IGSF11: variants seen among roughly 807,000 people sequenced by gnomAD.
IGSF11 encodes the protein immunoglobulin superfamily member 11, also known as CXADR like 1.
IGSF11 carries 22 observed loss-of-function variants against 41.0 expected under a neutral mutation model. That is an observed-to-expected ratio of 0.54 (90% CI 0.38 to 0.77). The LOEUF is 0.77. Among genes scored for constraint, IGSF11 ranks in the 30% least tolerant of loss-of-function variants. IGSF11 has a pLI of 0.00. For synonymous variants in IGSF11, 219 were observed against 201.3 expected, an observed-to-expected ratio of 1.09 and a Z score of -0.74; for missense variants, 444 against 530.8, an observed-to-expected ratio of 0.84 and a Z score of 1.61.
In IGSF11 at chr3:119,119,123, G is replaced by A. The variant is rs143003300; in HGVS notation, c.-13-13918C>T. On this transcript the variant is annotated intron_variant, in intron 1 of 7. Transcript: ENST00000425327. ...CTGCCTGTTACCCAGTTCCAAAGCC[G>A]CTTCCAAATTTTTGGGTATCTTTTC... Among the ~76,000 whole-genome samples, 384 of 152,220 alleles carry A rather than the reference G, an allele frequency of 2.5e-3. 2 individuals are homozygous for A. Among genetic ancestry groups the A allele is most frequent in the African/African-American group, 8.3e-3 (345 of 41,536 alleles).
At position 118,916,108 on chromosome 3, in the gene IGSF11, G is replaced by A. The variant is rs879197044; in HGVS notation, c.580+9993C>T. Among the ~76,000 whole-genome samples, 63 of 149,930 alleles carry A rather than the reference G, an allele frequency of 4.2e-4. 1 individual carries two copies. Among genetic ancestry groups the A allele is most frequent in the Non-Finnish European group, 6.8e-4 (46 of 67,822 alleles). On this transcript the variant is annotated intron_variant, in intron 4 of 6. Transcript: ENST00000393775. ...CCCTAAAAGAGCTCCTGAAGGAAGCGCTAAACATGGAAAGGAACAACCGGT... is the reference window on the plus strand; with the variant it reads ...CCCTAAAAGAGCTCCTGAAGGAAGCACTAAACATGGAAAGGAACAACCGGT...
intron 1 of IGSF11, among the ~76,000 whole-genome samples, chr3:119,015,901 G>A (rs771097186): frequency 6.6e-6 from 1 of 152,108 alleles, no homozygotes; most frequent in Non-Finnish European, 1.5e-5. Context: ...CTTTCCATGA[G>A]AGAAAAACGA....
chr3:119,003,661 T>G (rs1317034667), intron 1 of IGSF11, among the ~76,000 whole-genome samples: 1 of 151,910 alleles, frequency 6.6e-6, no homozygotes, highest in Non-Finnish European at 1.5e-5. Context: ...TATTGAGAGT[T>G]TTTAGCATGA....
intron 1 of IGSF11, among the ~76,000 whole-genome samples, chr3:119,130,130 C>T (rs185719014): frequency 1.3e-5 from 2 of 152,268 alleles, no homozygotes; most frequent in Admixed American, 1.3e-4. Flanking sequence ...CTGCAGCTCC[C>T]AGAATGATTG....
At position 118,902,246 on chromosome 3, in the gene IGSF11, T is replaced by C; in HGVS notation, c.*274A>G. 1 of 389,596 alleles carries C rather than the reference T, an allele frequency of 2.6e-6. No homozygotes were observed. Among genetic ancestry groups the C allele is most frequent in the Non-Finnish European group, 4.6e-6 (1 of 215,072 alleles). The allele number at this position is 389,596 out of a possible 1,614,324, so 24.1% of individuals were successfully genotyped here. On this transcript the variant is annotated 3_prime_UTR_variant, in exon 7 of 7. Coordinates refer to ENST00000393775, the MANE Select transcript of IGSF11 (RefSeq NM_001015887.3). ...GCGGCAGTTTGGATTTTAAGTACTA[T>C]TCTGCTCTTGTATCTTTTTCCTTGG... is the stretch of plus-strand genomic sequence containing the variant.
chr3:119,007,455 G>A (rs2107686531), intron 1 of IGSF11, among the ~76,000 whole-genome samples: 1 of 151,994 alleles, frequency 6.6e-6, no homozygotes, highest in Middle Eastern at 3.4e-3. Context: ...CTGTAGACCG[G>A]AGCTGTTCCT....
At chr3:119,142,755 A>G (rs977782380) in intron 1 of IGSF11, among the ~76,000 whole-genome samples, 21 of 151,970 alleles carry the variant, frequency 1.4e-4, no homozygotes, top group African/African-American at 4.8e-4. Flanking sequence ...GAAGCTCAAC[A>G]AACTCCAAAA....
chr3:119,007,806 T>C (rs1289502708), intron 1 of IGSF11, among the ~76,000 whole-genome samples: 1 of 152,240 alleles, frequency 6.6e-6, no homozygotes, highest in African/African-American at 2.4e-5. Context: ...TTCTGATATT[T>C]TGAAGAATGT....
At chr3:118,969,208 T>C (rs1933083399) in intron 1 of IGSF11, among the ~76,000 whole-genome samples, 1 of 151,556 alleles carries the variant, frequency 6.6e-6, no homozygotes. Flanking sequence ...AAAAAAATAA[T>C]AATAATCCAA....
chr3:119,087,877 A>G (rs2076702254), intron 1 of IGSF11, among the ~76,000 whole-genome samples: 1 of 152,232 alleles, frequency 6.6e-6, no homozygotes, highest in Non-Finnish European at 1.5e-5. Context: ...AGATGCCTTA[A>G]CTATGCTAAA....
rs1936774139 is a variant in IGSF11, at chr3:119,001,046, A to C, written c.52+33485T>G. 2.6e-5 allele frequency among the ~76,000 whole-genome samples: 4 copies of C among 152,058 alleles called. No homozygotes were observed. In the South Asian group the frequency reaches 8.3e-4, roughly 32 times the overall value. On this transcript the variant is annotated intron_variant, in intron 1 of 6. Transcript: ENST00000393775. ...TTTTTGCTGTTCTTCAATCATGCCA[A>C]GCATGCTTCCACCTCAGGACCTTTG...
chr3:119,025,267 A>G (rs1327710472), intron 1 of IGSF11, among the ~76,000 whole-genome samples: 1 of 152,156 alleles, frequency 6.6e-6, no homozygotes, highest in African/African-American at 2.4e-5. Context: ...GAATCACAAG[A>G]TTATAGAACT....
At chr3:118,922,533 T>A (rs1941906133) in intron 4 of IGSF11, among the ~76,000 whole-genome samples, 1 of 152,054 alleles carries the variant, frequency 6.6e-6, no homozygotes, top group Non-Finnish European at 1.5e-5. Context: ...GATTTATTCA[T>A]CCTGAATAAC....
chr3:119,115,081 C>T (rs1012402510), intron 1 of IGSF11, among the ~76,000 whole-genome samples: 3 of 152,256 alleles, frequency 2.0e-5, no homozygotes, highest in Admixed American at 2.0e-4. Flanking sequence ...CAATCATCAA[C>T]ACCAGGTCCC....
intron 1 of IGSF11, among the ~76,000 whole-genome samples, chr3:119,011,105 T>C (rs1269233380): frequency 1.3e-5 from 2 of 152,144 alleles, no homozygotes; most frequent in African/African-American, 4.8e-5. Context: ...GAAAAACAAT[T>C]ACCTGAGGGC....
chr3:118,945,995 A>C (rs1944099621), intron 1 of IGSF11: 1 of 152,130 alleles, frequency 6.6e-6, no homozygotes, highest in Non-Finnish European at 1.5e-5. Flanking sequence ...AGTATTGAAG[A>C]TCATCACATG....
At chr3:119,059,346 T>A (rs780292419) in intron 1 of IGSF11, among the ~76,000 whole-genome samples, 1 of 152,096 alleles carries the variant, frequency 6.6e-6, no homozygotes, top group Non-Finnish European at 1.5e-5. Flanking sequence ...CTCATTTATA[T>A]GTGGGAGCTA....
At chr3:119,073,936 G>A (rs920387026) in intron 1 of IGSF11, among the ~76,000 whole-genome samples, 1 of 152,232 alleles carries the variant, frequency 6.6e-6, no homozygotes, top group Non-Finnish European at 1.5e-5. Flanking sequence ...CGAGGGACGC[G>A]AGGGCTGCCA....
intron 1 of IGSF11, among the ~76,000 whole-genome samples, chr3:119,058,503 A>G (rs970298072): frequency 8.6e-5 from 13 of 151,456 alleles, no homozygotes; most frequent in South Asian, 2.1e-4. Flanking sequence ...TGGAGAAATA[A>G]GAACACTTTT....
Sources: allele counts gnomAD v4.1 joint callset (sites outside exome capture counted in the v4.1 genomes callset), GRCh38; gene constraint gnomAD v4.1.1; transcripts MANE v1.5; gene names NCBI Gene and HGNC (gene_info 2026-07-23, HGNC 2026-07-21).